The following RBMS3 variants were observed in gnomAD, a reference collection of about 807,000 sequenced individuals.
The protein encoded by RBMS3 is RNA binding motif single stranded interacting protein 3, also known as RNA-binding motif, single-stranded-interacting protein 3.
Under a neutral mutation model 66.8 loss-of-function variants are expected in RBMS3, and 27 were observed. The ratio of observed to expected loss-of-function variants is 0.40; its 90% CI spans 0.30 to 0.56. The LOEUF is 0.56. RBMS3 is among the 20% of genes least tolerant of loss of function. RBMS3 has a pLI of 0.40. For synonymous variants in RBMS3, 188 were observed against 183.0 expected (o/e 1.03, Z -0.22); for missense variants, 513 against 549.5 (o/e 0.93, Z 0.66).
chr3:29,921,762 C>A (rs917807809), intron 10 of RBMS3, among the ~76,000 whole-genome samples: 9 of 152,132 alleles, frequency 5.9e-5, no homozygotes, highest in East Asian at 3.9e-4. Context: ...ACTAAGATAA[C>A]AATTGAGCCA....
At chr3:29,469,476 T>C (rs776471380) in intron 2 of RBMS3, among the ~76,000 whole-genome samples, 7 of 151,852 alleles carry the variant, frequency 4.6e-5, no homozygotes, top group Admixed American at 2.0e-4. Context: ...AGATGGGAGA[T>C]AGGATAAATA....
intron 6 of RBMS3, among the ~76,000 whole-genome samples, chr3:29,792,451 C>T (rs1310391939): frequency 3.9e-5 from 6 of 152,128 alleles, no homozygotes; most frequent in Non-Finnish European, 5.9e-5. Context: ...ATTTTCTAGC[C>T]TTGTCATCTA....
chr3:29,947,987 AAAG>A (rs1695431335), intron 12 of RBMS3, among the ~76,000 whole-genome samples: 2 of 151,480 alleles, frequency 1.3e-5, no homozygotes, highest in Admixed American at 1.3e-4. Flanking sequence ...TTAAAAAAGA[AAAG>A]AAAAACGGGG....
chr3:29,561,389 A>G (rs893622947), intron 3 of RBMS3, among the ~76,000 whole-genome samples: 1 of 152,100 alleles, frequency 6.6e-6, no homozygotes, highest in African/African-American at 2.4e-5. Flanking sequence ...AACAGTGTAT[A>G]AAGTTTTCCC....
At chr3:29,821,142 T>C (rs1235285853) in intron 6 of RBMS3, among the ~76,000 whole-genome samples, 2 of 152,210 alleles carry the variant, frequency 1.3e-5, no homozygotes, top group Non-Finnish European at 2.9e-5. Context: ...CAAGTATACA[T>C]ATCTGTCAAT....
intron 12 of RBMS3, among the ~76,000 whole-genome samples, chr3:29,984,634 C>T (rs532579618): frequency 3.9e-5 from 6 of 152,226 alleles, no homozygotes; most frequent in Non-Finnish European, 8.8e-5. Flanking sequence ...GACGCTATTC[C>T]TTTCTGTTAG....
At chr3:29,724,920 G>A (rs995712215) in intron 4 of RBMS3, among the ~76,000 whole-genome samples, 1 of 152,178 alleles carries the variant, frequency 6.6e-6, no homozygotes, top group Non-Finnish European at 1.5e-5. Flanking sequence ...CAGAGATCAT[G>A]TCCTATTACA....
At chr3:29,940,690 T>C (rs182435527) in intron 11 of RBMS3, among the ~76,000 whole-genome samples, 130 of 151,906 alleles carry the variant, frequency 8.6e-4, no homozygotes, top group African/African-American at 3.1e-3. Flanking sequence ...AACCTTTCTC[T>C]ACAATTTGCC....
chr3:29,974,464 T>C (rs999292983), intron 12 of RBMS3, among the ~76,000 whole-genome samples: 1 of 151,892 alleles, frequency 6.6e-6, no homozygotes, highest in Non-Finnish European at 1.5e-5. Flanking sequence ...ATAACACATG[T>C]ACAGAAAAAA....
intron 1 of RBMS3, among the ~76,000 whole-genome samples, chr3:29,345,485 T>C (rs2036522002): frequency 6.6e-6 from 1 of 152,202 alleles, no homozygotes; most frequent in South Asian, 2.1e-4. Context: ...AGCTATACTT[T>C]ACCTAAAACC....
chr3:29,581,281 C>A (rs764389215), intron 3 of RBMS3, among the ~76,000 whole-genome samples: 2 of 152,156 alleles, frequency 1.3e-5, no homozygotes, highest in Non-Finnish European at 2.9e-5. Context: ...TATATCAATG[C>A]TGTTATTTCA....
At chr3:29,835,228 G>A (rs998296173) in intron 6 of RBMS3, among the ~76,000 whole-genome samples, 1 of 151,888 alleles carries the variant, frequency 6.6e-6, no homozygotes, top group African/African-American at 2.4e-5. Context: ...CGAATAGATC[G>A]TCCAGACGGA....
chr3:29,651,061 A>G lies in RBMS3; in HGVS notation c.399+63856A>G, dbSNP rs200781224. 2.5e-4 allele frequency among the ~76,000 whole-genome samples: 38 copies of G among 152,272 alleles called. No homozygotes were observed. The East Asian group carries it at 4.8e-3, about 19-fold the overall frequency. On this transcript the variant is annotated intron_variant, in intron 4 of 14. Transcript: ENST00000383767. The stretch of plus-strand genomic sequence containing the variant: ...TTAAAAAATCAAAACTATATTTATT[A>G]CTTTATCAAACCAATAGGCCATCAA...
intron 1 of RBMS3, among the ~76,000 whole-genome samples, chr3:29,303,625 A>C (rs900280988): frequency 6.6e-6 from 1 of 152,074 alleles, no homozygotes; most frequent in African/African-American, 2.4e-5. Flanking sequence ...TACATTATTA[A>C]GAACATATCA....
intron 1 of RBMS3, among the ~76,000 whole-genome samples, chr3:29,367,349 A>G (rs2037965667): frequency 6.6e-6 from 1 of 152,104 alleles, no homozygotes; most frequent in Non-Finnish European, 1.5e-5. Flanking sequence ...AACAGTTGGG[A>G]TATATTAAGA....
At chr3:29,805,427 G>A (rs1270376015) in intron 6 of RBMS3, among the ~76,000 whole-genome samples, 1 of 152,102 alleles carries the variant, frequency 6.6e-6, no homozygotes, top group Admixed American at 6.6e-5. Flanking sequence ...AAAAGTAATT[G>A]TAAATAGCCT....
intron 12 of RBMS3, among the ~76,000 whole-genome samples, chr3:29,976,244 G>A (rs1331735790): frequency 6.6e-6 from 1 of 151,818 alleles, no homozygotes; most frequent in Non-Finnish European, 1.5e-5. Context: ...TATGTTTAGT[G>A]ATATTCTGGG....
In RBMS3 at chr3:29,897,290, T is replaced by C. The variant is rs2060144686; in HGVS notation, c.792-89T>C. ...GTGGAAAAACGTGCGGGTGGAAATA[T>C]GTCTTTCCCATAGGTACTTGATAGC... On this transcript the variant is annotated intron_variant, in intron 8 of 14. Coordinates refer to ENST00000383767, the MANE Select transcript of RBMS3 (RefSeq NM_001003793.3). 3 of 1,162,078 alleles carry C rather than the reference T, an allele frequency of 2.6e-6. No homozygotes were observed. In the Admixed American group the frequency reaches 5.2e-5, roughly 20 times the overall value. The allele number at this position is 1,162,078 out of a possible 1,614,324, so 72.0% of individuals were successfully genotyped here.
chr3:29,567,150 G>A (rs755301467), intron 3 of RBMS3, among the ~76,000 whole-genome samples: 53 of 151,990 alleles, frequency 3.5e-4, no homozygotes, highest in Admixed American at 2.0e-4. Context: ...GAGAAATCAC[G>A]TCTCATTTGT....
Sources: gnomAD v4.1 joint callset for allele counts (sites outside exome capture counted in the v4.1 genomes callset) on GRCh38, gnomAD v4.1.1 for gene constraint, MANE v1.5 for transcripts, NCBI Gene and HGNC (gene_info 2026-07-23, HGNC 2026-07-21) for gene names.